REDIC1: variants seen among roughly 807,000 people sequenced by gnomAD.
The protein encoded by REDIC1 is regulator of DNA class I crossover intermediates 1, also known as HEI10 Interacting Protein 1.
the REDIC1 span, among the ~76,000 whole-genome samples, chr12:39,671,700 G>C: frequency 6.6e-6 from 1 of 152,074 alleles, no homozygotes; most frequent in Non-Finnish European, 1.5e-5. Context: ...TAGTCCCTAG[G>C]CCCCTGGGTG....
chr12:39,741,534 G>A, the REDIC1 span, among the ~76,000 whole-genome samples: 3 of 152,154 alleles, frequency 2.0e-5, no homozygotes, highest in African/African-American at 7.2e-5. Context: ...AATCAAACTT[G>A]CAAAATATTT....
the REDIC1 span, among the ~76,000 whole-genome samples, chr12:39,707,436 G>A: frequency 6.6e-6 from 1 of 151,900 alleles, no homozygotes; most frequent in Non-Finnish European, 1.5e-5. Context: ...CAACCACTAT[G>A]GAGAATAGTT....
the REDIC1 span, among the ~76,000 whole-genome samples, chr12:39,849,192 C>CA: frequency 1.3e-5 from 2 of 151,666 alleles, no homozygotes; most frequent in South Asian, 2.1e-4. Context: ...AAAAAAAATT[C>CA]AAAAAAAGAA....
the REDIC1 span, among the ~76,000 whole-genome samples, chr12:39,722,410 G>A: frequency 6.6e-6 from 1 of 152,034 alleles, no homozygotes; most frequent in Non-Finnish European, 1.5e-5. Context: ...TTTTCAAAAG[G>A]CCAGATTTTA....
the REDIC1 span, among the ~76,000 whole-genome samples, chr12:39,839,003 A>G: frequency 6.6e-6 from 1 of 152,088 alleles, no homozygotes; most frequent in South Asian, 2.1e-4. Flanking sequence ...GTCCAATTTC[A>G]TTTTCTGCAG....
chr12:39,867,430 C>T, the REDIC1 span, among the ~76,000 whole-genome samples: 1 of 151,780 alleles, frequency 6.6e-6, no homozygotes, highest in East Asian at 1.9e-4. Flanking sequence ...CCATACTATA[C>T]ATTTTCGCAA....
the REDIC1 span, among the ~76,000 whole-genome samples, chr12:39,663,495 T>C: frequency 6.6e-6 from 1 of 152,056 alleles, no homozygotes; most frequent in South Asian, 2.1e-4. Flanking sequence ...GAGTTTCTTG[T>C]GGGTAGCATA....
chr12:39,635,724 A>T, the REDIC1 span, among the ~76,000 whole-genome samples: 2 of 152,064 alleles, frequency 1.3e-5, no homozygotes, highest in South Asian at 4.1e-4. Context: ...GGAAACCAAC[A>T]TGGCACGTGT....
chr12:39,901,403 C>A, the REDIC1 span, among the ~76,000 whole-genome samples: 1 of 149,170 alleles, frequency 6.7e-6, no homozygotes, highest in African/African-American at 2.5e-5. Context: ...AGTGAACAGA[C>A]AACCTACAAC....
the REDIC1 span, among the ~76,000 whole-genome samples, chr12:39,836,062 C>A: frequency 6.6e-6 from 1 of 152,062 alleles, no homozygotes; most frequent in African/African-American, 2.4e-5. Context: ...TTGAGGCCCA[C>A]ACAGAAAAGC....
chr12:39,657,088 C>A, the REDIC1 span, among the ~76,000 whole-genome samples: 2 of 152,170 alleles, frequency 1.3e-5, no homozygotes, highest in African/African-American at 4.8e-5. Flanking sequence ...CACATTCACT[C>A]CCCACTCACT....
the REDIC1 span, among the ~76,000 whole-genome samples, chr12:39,857,896 A>G: frequency 9.2e-5 from 14 of 152,044 alleles, no homozygotes; most frequent in Non-Finnish European, 1.9e-4. Flanking sequence ...ATCTTTGCAA[A>G]CCTAATCTTG....
At chr12:39,726,925 C>CT in the REDIC1 span, among the ~76,000 whole-genome samples, 1 of 152,196 alleles carries the variant, frequency 6.6e-6, no homozygotes, top group Non-Finnish European at 1.5e-5. Flanking sequence ...CGATGATGAG[C>CT]TTTTTTTCCT....
At chr12:39,749,590 T>C in the REDIC1 span, among the ~76,000 whole-genome samples, 2 of 152,230 alleles carry the variant, frequency 1.3e-5, no homozygotes, top group African/African-American at 2.4e-5. Flanking sequence ...ATCATCCTGA[T>C]ACCAAAGCCT....
At chr12:39,900,867 T>G in the REDIC1 span, among the ~76,000 whole-genome samples, 22 of 152,068 alleles carry the variant, frequency 1.4e-4, no homozygotes, top group African/African-American at 4.1e-4. Context: ...CCAAAAAAGA[T>G]CCCGCATCGC....
At chr12:39,869,051 G>T in the REDIC1 span, among the ~76,000 whole-genome samples, 1 of 152,184 alleles carries the variant, frequency 6.6e-6, no homozygotes, top group East Asian at 1.9e-4. Flanking sequence ...TTAAAAATTC[G>T]AGGCTATAGC....
At chr12:39,821,935 A>G in the REDIC1 span, among the ~76,000 whole-genome samples, 2 of 152,202 alleles carry the variant, frequency 1.3e-5, no homozygotes, top group African/African-American at 2.4e-5. Context: ...TTTTATTATT[A>G]TACTTTAAGT....
the REDIC1 span, among the ~76,000 whole-genome samples, chr12:39,862,594 C>T: frequency 6.6e-6 from 1 of 152,160 alleles, no homozygotes; most frequent in Non-Finnish European, 1.5e-5. Flanking sequence ...ACGGATCACT[C>T]CATGGGGAAA....
the REDIC1 span, among the ~76,000 whole-genome samples, chr12:39,906,137 AACTTTG>A: frequency 6.0e-5 from 6 of 100,310 alleles, no homozygotes; most frequent in South Asian, 1.7e-3. Context: ...CAGAACTTTG[AACTTTG>A]TTTTCAACTG....
Sources: gnomAD v4.1 joint callset for allele counts (sites outside exome capture counted in the v4.1 genomes callset) on GRCh38, gnomAD v4.1.1 for gene constraint, MANE v1.5 for transcripts, NCBI Gene and HGNC (gene_info 2026-07-23, HGNC 2026-07-21) for gene names.